BMPER: variants seen among roughly 807,000 people sequenced by gnomAD.
BMPER encodes the protein BMP binding endothelial regulator.
A neutral mutation model predicts 87.3 loss-of-function variants in BMPER; 45 were observed. The observed-to-expected ratio is 0.52, with a 90% CI of 0.41 to 0.66. The LOEUF is 0.66. BMPER is among the 30% of genes least tolerant of loss of function. BMPER has a pLI of 0.00. For missense variants in BMPER, 784 were observed against 867.5 expected, an observed-to-expected ratio of 0.90 and a Z score of 1.21; for synonymous variants, 326 against 316.2, an observed-to-expected ratio of 1.03 and a Z score of -0.33.
intron 11 of BMPER, among the ~76,000 whole-genome samples, chr7:34,071,687 A>C (rs938582971): frequency 5.3e-5 from 8 of 152,204 alleles, no homozygotes; most frequent in Non-Finnish European, 1.2e-4. Flanking sequence ...GCATATTAAC[A>C]TTCAGTGAGC....
At chr7:33,979,378 A>G (rs1785783207) in intron 6 of BMPER, among the ~76,000 whole-genome samples, 1 of 151,152 alleles carries the variant, frequency 6.6e-6, no homozygotes, top group Non-Finnish European at 1.5e-5. Flanking sequence ...TGATTCCCCC[A>G]AGGAGAAGCA....
chr7:34,152,004 A>C (rs556986412), intron 14 of BMPER, among the ~76,000 whole-genome samples: 1 of 152,312 alleles, frequency 6.6e-6, no homozygotes, highest in East Asian at 1.9e-4. Flanking sequence ...CTTAAATATG[A>C]TCAAAGATCA....
At chr7:34,113,892 T>G (rs901340239) in intron 13 of BMPER, among the ~76,000 whole-genome samples, 2 of 152,172 alleles carry the variant, frequency 1.3e-5, no homozygotes, top group African/African-American at 4.8e-5. Context: ...CTGAGTGATG[T>G]TTCTATCTCT....
At chr7:33,938,362 T>C (rs983118087) in intron 3 of BMPER, among the ~76,000 whole-genome samples, 3 of 152,138 alleles carry the variant, frequency 2.0e-5, no homozygotes, top group Non-Finnish European at 4.4e-5. Flanking sequence ...TTTGCAGATA[T>C]AGTTAATTAA....
chr7:34,084,026 G>T (rs547605973), intron 12 of BMPER, among the ~76,000 whole-genome samples: 21 of 146,574 alleles, frequency 1.4e-4, no homozygotes, highest in African/African-American at 5.3e-4. Context: ...AAAAAAGGCC[G>T]CATGCAGTGG....
intron 2 of BMPER, among the ~76,000 whole-genome samples, chr7:33,912,400 C>G (rs995460301): frequency 6.6e-5 from 10 of 152,198 alleles, no homozygotes; most frequent in Non-Finnish European, 1.2e-4. Flanking sequence ...GCTCCCCTTC[C>G]CCATCCCATT....
At chr7:34,096,086 GC>G (rs902388863) in intron 13 of BMPER, among the ~76,000 whole-genome samples, 1 of 152,194 alleles carries the variant, frequency 6.6e-6, no homozygotes, top group African/African-American at 2.4e-5. Context: ...GTGCGAACAG[GC>G]CTGAGTGCTG....
chr7:34,023,220 C>T (rs2127946914), intron 6 of BMPER, among the ~76,000 whole-genome samples: 1 of 152,174 alleles, frequency 6.6e-6, no homozygotes, highest in East Asian at 2.0e-4. Flanking sequence ...ACTGCTGTCA[C>T]AGTGTGTCCT....
At chr7:33,988,766 T>A (rs1239494507) in intron 6 of BMPER, among the ~76,000 whole-genome samples, 2 of 70,508 alleles carry the variant, frequency 2.8e-5, no homozygotes, top group South Asian at 6.6e-4. Context: ...CCCTCCCCCC[T>A]CCCCCCACCC....
At chr7:34,119,551 C>T (rs1174681016) in intron 13 of BMPER, among the ~76,000 whole-genome samples, 1 of 152,144 alleles carries the variant, frequency 6.6e-6, no homozygotes. Flanking sequence ...TGCACATGTG[C>T]TTTCTGATCT....
chr7:34,129,020 TG>T (rs1234919059), intron 13 of BMPER, among the ~76,000 whole-genome samples: 2 of 152,174 alleles, frequency 1.3e-5, no homozygotes, highest in Non-Finnish European at 2.9e-5. Flanking sequence ...TAAACCACAG[TG>T]GGTTGCCATG....
At chr7:34,135,417 C>T (rs1583470719) in intron 13 of BMPER, among the ~76,000 whole-genome samples, 2 of 152,082 alleles carry the variant, frequency 1.3e-5, no homozygotes, top group South Asian at 4.1e-4. Context: ...TGATGTCAGA[C>T]CTGAGAGTTA....
rs147819471 is a variant in BMPER at position 34,045,920 on chromosome 7, A to G, written c.577-386A>G. On this transcript the variant is annotated intron_variant, in intron 6 of 14. Coordinates refer to ENST00000649409, the MANE Select transcript of BMPER (RefSeq NM_001365308.1). ...TAGAAAGAGAAGGCAGTGACCTATTAGGATGGTCCACTCATCCTGGTTTGC... is the reference window on the plus strand; with the variant it reads ...TAGAAAGAGAAGGCAGTGACCTATTGGGATGGTCCACTCATCCTGGTTTGC... Among the ~76,000 whole-genome samples the G allele has an allele frequency of 3.1e-3, 479 of 152,302 alleles. 3 individuals are homozygous for G. Among genetic ancestry groups the G allele is most frequent in the African/African-American group, 0.011 (445 of 41,560 alleles).
chr7:33,998,730 A>G (rs573120389), intron 6 of BMPER, among the ~76,000 whole-genome samples: 3 of 152,314 alleles, frequency 2.0e-5, no homozygotes, highest in South Asian at 2.1e-4. Flanking sequence ...AGCCCTAACC[A>G]TGGCTTTGTG....
chr7:34,008,476 A>C (rs1369560740), intron 6 of BMPER, among the ~76,000 whole-genome samples: 1 of 151,864 alleles, frequency 6.6e-6, no homozygotes, highest in Non-Finnish European at 1.5e-5. Context: ...GTTTTTTTTC[A>C]ATTATTTTGA....
At chr7:33,905,084 G>T (rs560596245), upstream of BMPER, 62 of 167,844 alleles carry the variant, frequency 3.7e-4, 1 homozygote, top group East Asian at 9.3e-3. Context: ...GTGAGCCCAC[G>T]TCTGTTGCGG....
chr7:34,031,407 T>C (rs1476468384), intron 6 of BMPER, among the ~76,000 whole-genome samples: 2 of 152,080 alleles, frequency 1.3e-5, no homozygotes, highest in Non-Finnish European at 2.9e-5. Flanking sequence ...TGAACTTATA[T>C]AAATATATTG....
intron 3 of BMPER, among the ~76,000 whole-genome samples, chr7:33,965,600 G>A (rs1311169511): frequency 6.6e-6 from 1 of 152,168 alleles, no homozygotes; most frequent in Admixed American, 6.5e-5. Flanking sequence ...AAGCAATCCA[G>A]ACTATGTATT....
intron 6 of BMPER, among the ~76,000 whole-genome samples, chr7:34,023,653 G>C (rs547898195): frequency 3.3e-5 from 5 of 152,138 alleles, no homozygotes; most frequent in Admixed American, 3.3e-4. Flanking sequence ...ATAGAAATTT[G>C]ACATAGAGAT....
Sources: allele counts gnomAD v4.1 joint callset (sites outside exome capture counted in the v4.1 genomes callset), GRCh38; gene constraint gnomAD v4.1.1; transcripts MANE v1.5; gene names NCBI Gene and HGNC (gene_info 2026-07-23, HGNC 2026-07-21).